LAMA3: variants seen among roughly 807,000 people sequenced by gnomAD.
The protein encoded by LAMA3 is laminin subunit alpha-3.
Under a neutral mutation model 402.0 loss-of-function variants are expected in LAMA3, and 281 were observed. The observed-to-expected ratio is 0.70, with a 90% CI of 0.63 to 0.77. LAMA3 has a LOEUF of 0.77. LAMA3 is among the 30% of genes least tolerant of loss of function. The probability of loss-of-function intolerance (pLI) is 0.00; values close to 1 mark genes in which losing one functional copy is unlikely to be tolerated. For missense variants in LAMA3, 3,840 were observed against 4,215.5 expected, an observed-to-expected ratio of 0.91 and a Z score of 2.47; for synonymous variants, 1,431 against 1,558.4, an observed-to-expected ratio of 0.92 and a Z score of 1.93.
intron 30 of LAMA3, 29 bp from the exon 31 acceptor site, chr18:23,846,258 CTCCCCAGGCA>C: frequency 1.2e-6 from 2 of 1,602,612 alleles, no homozygotes; most frequent in Non-Finnish European, 1.7e-6. Flanking sequence ...CCATACACAC[CTCCCCAGGCA>C]TCACCATGAG....
rs1212697248 is a variant in LAMA3 at position 23,689,896 on chromosome 18, C to G, written c.213C>G (p.Pro71=). 1 of 1,537,540 alleles carries G rather than the reference C, an allele frequency of 6.5e-7. No individual in the cohort carries two copies. The highest frequency in any genetic ancestry group is 8.8e-7 in the Non-Finnish European group (1 of 1,141,958). The change falls in exon 1 of 75, where the codon CCC becomes CCG. Residue 71 remains proline (P), a synonymous_variant. Transcript: ENST00000313654. ...WATATCGERG[P]GEGRPQPELY... ...CCGCCACCTGCGGGGAGAGGGGACC[C>G]GGCGAGGGGAGGCCCCAGCCCGAGC...
At chr18:23,700,638 G>A (rs1362253466) in intron 1 of LAMA3, among the ~76,000 whole-genome samples, 5 of 152,270 alleles carry the variant, frequency 3.3e-5, no homozygotes, top group East Asian at 3.9e-4. Flanking sequence ...AGGATTACAT[G>A]AGGTAAATCA....
chr18:23,870,937 C>T (rs1346717760), intron 37 of LAMA3, among the ~76,000 whole-genome samples: 1 of 152,140 alleles, frequency 6.6e-6, no homozygotes, highest in East Asian at 1.9e-4. Flanking sequence ...CAAGACTGTA[C>T]AGTTAAAAAT....
chr18:23,816,365 T>A (rs764522993), intron 17 of LAMA3, 23 bp from the exon 18 acceptor site: 1 of 1,600,216 alleles, frequency 6.2e-7, no homozygotes, highest in Non-Finnish European at 8.6e-7. Context: ...AAGGTATAAC[T>A]GCTGCTGTTT....
At chr18:23,755,039 G>A (rs912885672) in intron 6 of LAMA3, among the ~76,000 whole-genome samples, 19 of 152,292 alleles carry the variant, frequency 1.2e-4, no homozygotes, top group African/African-American at 3.6e-4. Flanking sequence ...GAGAGCTTAC[G>A]CACAAAATGA....
chr18:23,724,277 GCATGTATTA>G (rs1233976238), intron 2 of LAMA3, among the ~76,000 whole-genome samples: 4 of 152,128 alleles, frequency 2.6e-5, no homozygotes, highest in Non-Finnish European at 5.9e-5. Flanking sequence ...TCTACAATGA[GCATGTATTA>G]CTTTTAGAAT....
intron 22 of LAMA3, 88 bp from the exon 23 acceptor site, chr18:23,827,226 A>T (rs2063400550): frequency 7.5e-7 from 1 of 1,330,090 alleles, no homozygotes; most frequent in South Asian, 1.2e-5. Context: ...GAACTGAATG[A>T]CTGAGAGTCT....
chr18:23,861,508 G>A (rs1414425231), intron 34 of LAMA3, 138 bp from the exon 35 acceptor site: 5 of 882,116 alleles, frequency 5.7e-6, no homozygotes, highest in African/African-American at 3.3e-5. Flanking sequence ...GAGGGCAGGT[G>A]CAGGAGTAGA....
At chr18:23,761,291 A>G (rs1035408194) in intron 7 of LAMA3, among the ~76,000 whole-genome samples, 1 of 152,230 alleles carries the variant, frequency 6.6e-6, no homozygotes, top group Non-Finnish European at 1.5e-5. Context: ...CCTTGGTGTC[A>G]TAGAACTTAA....
chr18:23,701,911 TG>T (rs1365525416), intron 1 of LAMA3, among the ~76,000 whole-genome samples: 1 of 152,114 alleles, frequency 6.6e-6, no homozygotes, highest in African/African-American at 2.4e-5. Context: ...AGAGTCAGTG[TG>T]GGTCAAATGG....
chr18:23,827,437 C>T lies in LAMA3; in HGVS notation c.2793C>T (p.His931=), dbSNP rs780227223. 3 of 1,614,152 alleles carry T rather than the reference C, an allele frequency of 1.9e-6. No homozygotes were observed. Among genetic ancestry groups the T allele is most frequent in the Non-Finnish European group, 2.5e-6 (3 of 1,180,042 alleles). ...CAGTGAGGCAGCCCACACCTGCACA[C>T]CCTGTCATGGTGGACCTCAGCGGGA... ...PVAVRQPTPA[H]PVMVDLSGRE... is the part of the protein sequence containing the mutation. The change falls in exon 23 of 75, where the codon CAC becomes CAT. Residue 931 remains histidine, a synonymous_variant. Coordinates refer to ENST00000313654, the MANE Select transcript of LAMA3 (RefSeq NM_198129.4).
intron 65 of LAMA3, among the ~76,000 whole-genome samples, chr18:23,931,873 G>A (rs998669097): frequency 3.9e-5 from 6 of 152,320 alleles, no homozygotes; most frequent in Admixed American, 6.5e-5. Flanking sequence ...GCAAAAATTC[G>A]TTGAGCTGAA....
At chr18:23,878,798 A>G (rs2064805513) in intron 39 of LAMA3, among the ~76,000 whole-genome samples, 1 of 152,220 alleles carries the variant, frequency 6.6e-6, no homozygotes, top group Non-Finnish European at 1.5e-5. Flanking sequence ...CTGAAGTTTG[A>G]AAAGATAAGT....
At chr18:23,829,053 T>C (rs1487801435) in intron 23 of LAMA3, among the ~76,000 whole-genome samples, 4 of 152,116 alleles carry the variant, frequency 2.6e-5, no homozygotes, top group African/African-American at 9.7e-5. Flanking sequence ...ATCAAACAGG[T>C]TAATATTTCT....
At chr18:23,926,742 A>C (rs144491272) in intron 62 of LAMA3, among the ~76,000 whole-genome samples, 2 of 152,344 alleles carry the variant, frequency 1.3e-5, no homozygotes, top group East Asian at 3.9e-4. Context: ...TGAATGCTTT[A>C]TGTGCATTCA....
intron 65 of LAMA3, chr18:23,931,462 G>A (rs557674201): frequency 4.8e-6 from 2 of 418,314 alleles, no homozygotes; most frequent in South Asian, 6.4e-5. Flanking sequence ...TTCGAGACCA[G>A]TCTTGGAAAC....
chr18:23,773,462 A>T (rs1398963169), intron 8 of LAMA3, 35 bp from the exon 9 acceptor site: 1 of 1,331,968 alleles, frequency 7.5e-7, no homozygotes, highest in Non-Finnish European at 1.1e-6. Flanking sequence ...TCTTCCCCAG[A>T]ACCCTTCCTT....
chr18:23,757,058 G>C (rs913153939), intron 6 of LAMA3, among the ~76,000 whole-genome samples: 1 of 151,682 alleles, frequency 6.6e-6, no homozygotes, highest in Admixed American at 6.6e-5. Context: ...CAGGCTGGGC[G>C]TCTGTGCCCT....
chr18:23,837,023 C>T lies in LAMA3; in HGVS notation c.3027C>T (p.Ile1009=), dbSNP rs372276274. Residue 1009 remains isoleucine (I), a synonymous_variant, in exon 25 of 75, where the codon ATC becomes ATT. Coordinates refer to ENST00000313654, the MANE Select transcript of LAMA3 (RefSeq NM_198129.4). ...CTGTGATTGATCACATGAGCCGCAT[C>T]GCCATGTATGAGCTATTGGCAGATG... ...RSAVIDHMSR[I]AMYELLADAD... 9.8e-5 allele frequency: 158 copies of T among 1,614,016 alleles called. 4 individuals are homozygous for T. The highest frequency in any genetic ancestry group is 5.6e-4 in the East Asian group (25 of 44,884).
Sources: allele counts gnomAD v4.1 joint callset (sites outside exome capture counted in the v4.1 genomes callset), GRCh38; gene constraint gnomAD v4.1.1; transcripts MANE v1.5; gene names NCBI Gene and HGNC (gene_info 2026-07-23, HGNC 2026-07-21).